Variants in PLAAT4 observed in about 807,000 individuals in gnomAD.
The protein encoded by PLAAT4 is HRAS-like suppressor 4.
In PLAAT4, 12 loss-of-function variants were observed where a neutral mutation model predicts 14.1. The observed-to-expected ratio is 0.85, with a 90% CI of 0.54 to 1.37. PLAAT4 has a LOEUF of 1.37. PLAAT4 is among the 40% of genes most tolerant of loss of function. PLAAT4 has a pLI of 0.00. For missense variants in PLAAT4, 163 were observed against 211.7 expected, an observed-to-expected ratio of 0.77 and a Z score of 1.43; for synonymous variants, 77 against 79.8, an observed-to-expected ratio of 0.96 and a Z score of 0.19.
At chr11:63,542,318 C>T (rs747401056) in intron 2 of PLAAT4, among the ~76,000 whole-genome samples, 1 of 152,032 alleles carries the variant, frequency 6.6e-6, no homozygotes, top group African/African-American at 2.4e-5. Context: ...TGTTTTCTTC[C>T]GTACTGTCAT....
intron 2 of PLAAT4, among the ~76,000 whole-genome samples, chr11:63,541,048 A>T (rs1295973796): frequency 1.3e-5 from 2 of 152,180 alleles, no homozygotes; most frequent in Non-Finnish European, 2.9e-5. Flanking sequence ...ATCATCTCCC[A>T]GGCAGGATTG....
chr11:63,544,461 CAG>C, intron 2 of PLAAT4, 158 bp from the exon 3 acceptor site: 1 of 906,958 alleles, frequency 1.1e-6, no homozygotes, highest in Non-Finnish European at 1.7e-6. Context: ...GCCTGGGCAA[CAG>C]AGTGAGACTC....
chr11:63,544,930 G>C (rs755829602), intron 3 of PLAAT4, 41 bp downstream of exon 3: 7 of 1,613,896 alleles, frequency 4.3e-6, no homozygotes, highest in Non-Finnish European at 5.9e-6. Context: ...TCTGCTTGGG[G>C]CTGGACTCAC....
Position 63,546,427 on chromosome 11 carries a change from G to A in PLAAT4, c.*171G>A. Reference sequence around the variant, plus strand: ...AGTATGATCTAATTGAAACAAGACTGAAGGATCAATAAACAGCCATCTGCC... The same window carrying A: ...AGTATGATCTAATTGAAACAAGACTAAAGGATCAATAAACAGCCATCTGCC... On this transcript the variant is annotated 3_prime_UTR_variant, in exon 4 of 4. Coordinates refer to ENST00000255688, the MANE Select transcript of PLAAT4 (RefSeq NM_004585.5). 3.3e-6 allele frequency: 2 copies of A among 614,310 alleles called. No homozygotes were observed. Among genetic ancestry groups the A allele is most frequent in the South Asian group, 4.0e-5 (2 of 49,986 alleles). The allele number at this position is 614,310 out of a possible 1,614,324, so 38.1% of individuals were successfully genotyped here. A position where few individuals can be genotyped will look rare whatever the true frequency, so the allele number is the denominator to read the frequency against.
At chr11:63,539,994 T>C (rs572173477) in intron 2 of PLAAT4, among the ~76,000 whole-genome samples, 2 of 152,348 alleles carry the variant, frequency 1.3e-5, no homozygotes, top group South Asian at 4.1e-4. Context: ...TGAGAGCCAC[T>C]GAAAGACAGT....
intron 2 of PLAAT4, 31 bp from the exon 3 acceptor site, chr11:63,544,590 C>T (rs780599452): frequency 2.5e-6 from 4 of 1,595,822 alleles, no homozygotes; most frequent in Admixed American, 1.7e-5. Flanking sequence ...ACTTCACCTT[C>T]CCCTGCCAGT....
At position 63,540,535 on chromosome 11, in the gene PLAAT4, G is replaced by A. The variant is rs569351681; in HGVS notation, c.118+911G>A. 1.1e-4 allele frequency among the ~76,000 whole-genome samples: 16 copies of A among 151,590 alleles called. No individual in the cohort carries two copies. The East Asian group carries it at 2.0e-3, about 19-fold the overall frequency. ...GATAGCCAATGAAAGGGGAAAAAACGAACACAGAGGCCAGGCACAGTGGCT... is the reference window on the plus strand; with the variant it reads ...GATAGCCAATGAAAGGGGAAAAAACAAACACAGAGGCCAGGCACAGTGGCT... On this transcript the variant is annotated intron_variant, in intron 2 of 3. Coordinates refer to ENST00000255688, the MANE Select transcript of PLAAT4 (RefSeq NM_004585.5).
rs1404510237 is a variant in PLAAT4, at chr11:63,546,249, C to A, written c.488C>A (p.Thr163Lys). ...ATTAGGAGATACCAAAAAAAAGCGA[C>A]AGCCTGAAGCAGCCACAAAATCCTG... ...FAIRRYQKKA[T>K]A The change falls in exon 4 of 4, where the codon ACA becomes AAA. Residue 163 changes from threonine (T) to lysine (K), a missense_variant. Transcript: ENST00000255688. 1 of 1,613,856 alleles carries A rather than the reference C, an allele frequency of 6.2e-7. No homozygotes were observed. Among genetic ancestry groups the A allele is most frequent in the Non-Finnish European group, 8.5e-7 (1 of 1,179,766 alleles).
At chr11:63,544,504 T>C in intron 2 of PLAAT4, 117 bp from the exon 3 acceptor site, 1 of 1,323,956 alleles carries the variant, frequency 7.6e-7, no homozygotes, top group Non-Finnish European at 1.0e-6. Context: ...GCAAAATCTG[T>C]GAATCCTTCA....
intron 2 of PLAAT4, among the ~76,000 whole-genome samples, chr11:63,542,122 C>T (rs1036634341): frequency 2.6e-5 from 4 of 152,126 alleles, no homozygotes; most frequent in Non-Finnish European, 4.4e-5. Flanking sequence ...CATTAAAATG[C>T]TTATTTAAAA....
intron 1 of PLAAT4, among the ~76,000 whole-genome samples, chr11:63,537,143 G>A (rs1045763355): frequency 2.0e-5 from 3 of 152,190 alleles, no homozygotes; most frequent in East Asian, 1.9e-4. Context: ...GTGGGGTGCC[G>A]GGTGTCAAAT....
chr11:63,546,136 G>A lies in PLAAT4; in HGVS notation c.388-13G>A, dbSNP rs770798095. 4.3e-6 allele frequency: 7 copies of A among 1,610,338 alleles called. No individual in the cohort carries two copies. In the Admixed American group the frequency reaches 5.0e-5, roughly 12 times the overall value. On this transcript the variant is annotated splice_polypyrimidine_tract_variant and intron_variant, in intron 3 of 3. Transcript: ENST00000255688. ...TTGCCGTGAACGCTCAACAAAAGCT[G>A]CTTGCTTTGCAGGTGGAAAAGGCCA...
intron 2 of PLAAT4, 29 bp from the exon 3 acceptor site, chr11:63,544,592 C>T (rs907681345): frequency 6.3e-7 from 1 of 1,596,964 alleles, no homozygotes; most frequent in African/African-American, 1.3e-5. Context: ...TTCACCTTCC[C>T]CTGCCAGTGA....
chr11:63,546,098 G>C (rs757752183), intron 3 of PLAAT4, 51 bp from the exon 4 acceptor site: 2 of 1,492,882 alleles, frequency 1.3e-6, no homozygotes, highest in Non-Finnish European at 1.9e-6. Flanking sequence ...GAGGGAGAAA[G>C]TGCCAGCCTG....
intron 2 of PLAAT4, among the ~76,000 whole-genome samples, chr11:63,540,846 C>T (rs1214210801): frequency 6.6e-6 from 1 of 152,100 alleles, no homozygotes; most frequent in Non-Finnish European, 1.5e-5. Context: ...AAAACAACAA[C>T]AAAAATGCAG....
intron 2 of PLAAT4, among the ~76,000 whole-genome samples, chr11:63,542,481 T>A (rs2017329423): frequency 1.3e-5 from 2 of 152,242 alleles, no homozygotes; most frequent in African/African-American, 4.8e-5. Flanking sequence ...TTACAACGTG[T>A]CTGGCTTGGT....
chr11:63,538,542 T>A, intron 1 of PLAAT4: 1 of 223,906 alleles, frequency 4.5e-6, no homozygotes, highest in South Asian at 4.2e-5. Flanking sequence ...AGGTCTATGA[T>A]GGGACATCCT....
intron 2 of PLAAT4, among the ~76,000 whole-genome samples, chr11:63,540,733 G>A (rs1387628681): frequency 6.6e-6 from 1 of 152,208 alleles, no homozygotes; most frequent in Non-Finnish European, 1.5e-5. Flanking sequence ...GGCTGAGGCA[G>A]GAGAATTGCT....
rs1386243223 is a variant in PLAAT4 at position 63,539,515 on chromosome 11, G to A, written c.10-1G>A. 4 of 1,613,482 alleles carry A rather than the reference G, an allele frequency of 2.5e-6. No individual in the cohort carries two copies. Among genetic ancestry groups the A allele is most frequent in the Middle Eastern group, 1.7e-4 (1 of 6,060 alleles). ...CTCCATCTCTGGCTTTTCTGTTGCA[G>A]CCACACCAAGAGCCCAAACCTGGAG... On this transcript the variant is annotated splice_acceptor_variant, in intron 1 of 3. Coordinates refer to ENST00000255688, the MANE Select transcript of PLAAT4 (RefSeq NM_004585.5). LOFTEE classifies it high-confidence loss of function.
Sources: allele counts gnomAD v4.1 joint callset (sites outside exome capture counted in the v4.1 genomes callset), GRCh38; gene constraint gnomAD v4.1.1; transcripts MANE v1.5; gene names NCBI Gene and HGNC (gene_info 2026-07-23, HGNC 2026-07-21).